Variants in CAMKK1 observed in about 807,000 individuals in gnomAD.
CAMKK1 encodes calcium/calmodulin-dependent protein kinase kinase 1.
In CAMKK1, 20 loss-of-function variants were observed where a neutral mutation model predicts 63.5. That is an observed-to-expected ratio of 0.32 (90% confidence interval 0.22 to 0.46). CAMKK1 has a LOEUF of 0.46. CAMKK1 is among the 20% of genes least tolerant of loss of function. The probability of loss-of-function intolerance (pLI) is 1.00; values close to 1 mark genes in which losing one functional copy is unlikely to be tolerated. For synonymous variants in CAMKK1, 253 were observed against 269.0 expected (o/e 0.94, Z 0.58); for missense variants, 588 against 658.1 (o/e 0.89, Z 1.17).
chr17:3,870,030 G>A (rs1307924856), intron 12 of CAMKK1, 142 bp from the exon 13 acceptor site: 2 of 683,142 alleles, frequency 2.9e-6, no homozygotes, highest in Admixed American at 4.6e-5. Flanking sequence ...ACAAGGGCTT[G>A]GAGAGCCTTT....
chr17:3,883,436 G>A lies in CAMKK1; in HGVS notation c.507C>T (p.Gly169=), dbSNP rs2055503724. ...LSKKKLLKQY[G]FPRRPPPRGS... ...GGATCAGAAGATACATACGTGGAAA[G>A]CCATACTGCTTCAGTAACTTCTTTT... The change falls in exon 5 of 16, where the codon GGC becomes GGT. Residue 169 remains glycine, a synonymous_variant. Coordinates refer to ENST00000348335, the MANE Select transcript of CAMKK1 (RefSeq NM_032294.3). This position sits in a 1 kb window ranked among gnomAD's most constrained non-coding sequence, Gnocchi z 4.7. The A allele has an allele frequency of 6.2e-7, 1 of 1,613,510 alleles. No homozygotes were observed. Among genetic ancestry groups the A allele is most frequent in the South Asian group, 1.1e-5 (1 of 91,086 alleles).
At position 3,865,903 on chromosome 17, in the gene CAMKK1, C is replaced by T. The variant is rs1426754135; in HGVS notation, c.1445+5G>A. ...CCCGGCAGTCCCTGGCCCACCAGTA[C>T]TTACACCAGTAGGTTTCCTGGAGCA... On this transcript the variant is annotated splice_donor_5th_base_variant and intron_variant, in intron 15 of 15. Coordinates refer to ENST00000348335, the MANE Select transcript of CAMKK1 (RefSeq NM_032294.3). 6.2e-7 allele frequency: 1 copy of T among 1,614,162 alleles called. No homozygotes were observed. Among genetic ancestry groups the T allele is most frequent in the Admixed American group, 1.7e-5 (1 of 60,022 alleles).
rs760113867 is a variant in CAMKK1 at position 3,862,917 on chromosome 17, G to A, written c.1446-634C>T. Among the ~76,000 whole-genome samples, 5 of 152,156 alleles carry A rather than the reference G, an allele frequency of 3.3e-5. No homozygotes were observed. The highest frequency in any genetic ancestry group is 1.3e-4 in the Admixed American group (2 of 15,280). ...CTCCTAAAGTGTTGGGATTGCAGGC[G>A]TGAGCCACCGTGCCCGGCCTGAGGG... On this transcript the variant is annotated intron_variant, in intron 15 of 15. Coordinates refer to ENST00000348335, the MANE Select transcript of CAMKK1 (RefSeq NM_032294.3). The surrounding 1 kb of genome is among the most constrained non-coding windows in gnomAD (Gnocchi z 4.1).
intron 11 of CAMKK1, 110 bp from the exon 12 acceptor site, chr17:3,872,737 C>A: frequency 2.5e-6 from 2 of 810,326 alleles, no homozygotes; most frequent in Non-Finnish European, 4.3e-6. Flanking sequence ...GGTCTGGGCT[C>A]CCATTACATG....
At chr17:3,871,377 CAG>C (rs10590725) in intron 12 of CAMKK1, among the ~76,000 whole-genome samples, 11,050 of 103,416 alleles carry the variant, frequency 0.11, 718 homozygotes, top group East Asian at 0.4. Context: ...TTTTTTGAGA[CAG>C]AGTCTCGCTC....
At position 3,887,912 on chromosome 17, in the gene CAMKK1, T is replaced by G. The variant is rs2055726356; in HGVS notation, c.-43-2182A>C. Reference sequence around the variant, plus strand: ...GCATGCCTTGTTTTTCCCTCCCGAATGTAAGTTTCATGAGATTAGGACGCT... The same window carrying G: ...GCATGCCTTGTTTTTCCCTCCCGAAGGTAAGTTTCATGAGATTAGGACGCT... On this transcript the variant is annotated intron_variant, in intron 1 of 15. Transcript: ENST00000348335. The surrounding 1 kb of genome is among the most constrained non-coding windows in gnomAD (Gnocchi z 6.1). Among the ~76,000 whole-genome samples the G allele has an allele frequency of 6.6e-6, 1 of 152,002 alleles. No individual in the cohort carries two copies. The highest frequency in any genetic ancestry group is 2.1e-4 in the South Asian group (1 of 4,832).
At chr17:3,869,045 G>A (rs539447664) in intron 14 of CAMKK1, among the ~76,000 whole-genome samples, 9 of 147,320 alleles carry the variant, frequency 6.1e-5, no homozygotes, top group South Asian at 4.3e-4. Flanking sequence ...CTCGGCTCAC[G>A]GCAAACTCCA....
At chr17:3,875,599 GGA>G (rs1480131915) in intron 10 of CAMKK1, among the ~76,000 whole-genome samples, 1 of 152,068 alleles carries the variant, frequency 6.6e-6, no homozygotes, top group Non-Finnish European at 1.5e-5. Context: ...CCTCTTTCCT[GGA>G]TACTCACACG....
intron 10 of CAMKK1, 45 bp downstream of exon 10, chr17:3,876,178 C>T (rs754154039): frequency 9.6e-6 from 15 of 1,568,548 alleles, no homozygotes; most frequent in South Asian, 7.0e-5. Flanking sequence ...CAAGCTATTA[C>T]GCCCCCCACT....
Position 3,879,170 on chromosome 17 carries a change from C to G in CAMKK1, c.796+1176G>C, listed in dbSNP as rs2055298872. ...CTGGTCCCCAACCCACGCCAGGACC[C>G]TAGGTGTCTAGGGGCTCTCCTCTCC... On this transcript the variant is annotated intron_variant, in intron 9 of 15. Coordinates refer to ENST00000348335, the MANE Select transcript of CAMKK1 (RefSeq NM_032294.3). This position sits in a 1 kb window ranked among gnomAD's most constrained non-coding sequence, Gnocchi z 4.5. 6.6e-6 allele frequency: 1 copy of G among 152,376 alleles called. No homozygotes were observed. The highest frequency in any genetic ancestry group is 1.5e-5 in the Non-Finnish European group (1 of 68,160). 9.4% of individuals were successfully genotyped at this position (152,376 alleles called of 1,614,324 possible).
rs1217702515 is a variant in CAMKK1, at chr17:3,868,272, G to A, written c.1341+1215C>T. Among the ~76,000 whole-genome samples the A allele has an allele frequency of 3.7e-5, 5 of 135,950 alleles. 1 individual carries two copies. The highest frequency in any genetic ancestry group is 5.2e-4 in the South Asian group (2 of 3,860). The allele number at this position is 135,950 out of a possible 152,430, so 89.2% of individuals were successfully genotyped here. A position where few individuals can be genotyped will look rare whatever the true frequency, so the allele number is the denominator to read the frequency against. ...GGGCTCTGGGGGAGAAGCAGGCGCC[G>A]TCTAACTGATACGTGGGCACGGGGG... On this transcript the variant is annotated intron_variant, in intron 14 of 15. Coordinates refer to ENST00000348335, the MANE Select transcript of CAMKK1 (RefSeq NM_032294.3).
rs375193394 is a variant in CAMKK1, at chr17:3,890,066, C to A, written c.-44+2873G>T. Among the ~76,000 whole-genome samples the A allele has an allele frequency of 2.6e-5, 4 of 152,170 alleles. No individual in the cohort carries two copies. Among genetic ancestry groups the A allele is most frequent in the African/African-American group, 9.7e-5 (4 of 41,438 alleles). On this transcript the variant is annotated intron_variant, in intron 1 of 15. Transcript: ENST00000348335. This position sits in a 1 kb window ranked among gnomAD's most constrained non-coding sequence, Gnocchi z 6.5. ...CAGAGGACCGAACAGAAGGGAAAGC[C>A]GCAGAGGTGGCGGCCACCCAGGCCA...
At chr17:3,886,818 C>T (rs1036710356) in intron 1 of CAMKK1, among the ~76,000 whole-genome samples, 1 of 152,108 alleles carries the variant, frequency 6.6e-6, no homozygotes, top group Non-Finnish European at 1.5e-5. Flanking sequence ...GACACTCAGC[C>T]TGAGACCCCC....
At chr17:3,865,811 C>A in intron 15 of CAMKK1, 97 bp downstream of exon 15, 1 of 1,563,792 alleles carries the variant, frequency 6.4e-7, no homozygotes, top group South Asian at 1.2e-5. Context: ...CAGGCTCTGG[C>A]CTTGGCCCAA....
Position 3,869,537 on chromosome 17 carries a change from C to T in CAMKK1, c.1291G>A (p.Glu431Lys), listed in dbSNP as rs1320415705. The change falls in exon 14 of 16, where the codon GAG becomes AAG. Residue 431 changes from glutamate (E) to lysine (K), a missense_variant. Coordinates refer to ENST00000348335, the MANE Select transcript of CAMKK1 (RefSeq NM_032294.3). ...CTGACTGAGTTCTTAACCTCCTCCT[C>T]TGTCACCTCCACCACGCTGCAGTGC... The part of the protein sequence containing the change: ...EEHCSVVEVT[E>K]EEVKNSVRLI... 6.2e-7 allele frequency: 1 copy of T among 1,614,120 alleles called. No individual in the cohort carries two copies. Among genetic ancestry groups the T allele is most frequent in the Non-Finnish European group, 8.5e-7 (1 of 1,180,050 alleles).
At position 3,890,651 on chromosome 17, in the gene CAMKK1, T is replaced by C. The variant is rs894830414; in HGVS notation, c.-44+2288A>G. The C allele has an allele frequency of 1.9e-5, 15 of 779,508 alleles. No individual in the cohort carries two copies. Among genetic ancestry groups the C allele is most frequent in the Non-Finnish European group, 3.6e-5 (15 of 417,920 alleles). The allele number at this position is 779,508 out of a possible 1,614,324, so 48.3% of individuals were successfully genotyped here. ...GGGAGCCCTCCTTGTCACTCGTCCT[T>C]TCCCTGTTGCCCACCCTTGCTCCCC... On this transcript the variant is annotated intron_variant, in intron 1 of 15. Transcript: ENST00000348335. This position sits in a 1 kb window ranked among gnomAD's most constrained non-coding sequence, Gnocchi z 6.5.
rs1163544575 is a variant in CAMKK1, at chr17:3,882,781, T to C, written c.649-217A>G. Among the ~76,000 whole-genome samples the C allele has an allele frequency of 6.6e-6, 1 of 151,950 alleles. No individual in the cohort carries two copies. The highest frequency in any genetic ancestry group is 2.4e-5 in the African/African-American group (1 of 41,352). Reference sequence around the variant, plus strand: ...CACACGACATCCAGCCTTCCTCCCCTCCAGCTGCAATGAGGGGCTCACTTC... The same window carrying C: ...CACACGACATCCAGCCTTCCTCCCCCCCAGCTGCAATGAGGGGCTCACTTC... On this transcript the variant is annotated intron_variant, in intron 6 of 15. Coordinates refer to ENST00000348335, the MANE Select transcript of CAMKK1 (RefSeq NM_032294.3). This position sits in a 1 kb window ranked among gnomAD's most constrained non-coding sequence, Gnocchi z 4.3.
At chr17:3,874,887 C>T (rs936830012) in intron 10 of CAMKK1, among the ~76,000 whole-genome samples, 23 of 150,816 alleles carry the variant, frequency 1.5e-4, no homozygotes, top group Non-Finnish European at 2.1e-4. Flanking sequence ...TTTGGGAGGC[C>T]GAGGCGGGCG....
Position 3,865,900 on chromosome 17 carries a change from GT to G in CAMKK1, c.1445+7del. 6.2e-7 allele frequency: 1 copy of G among 1,614,120 alleles called. No individual in the cohort carries two copies. ...GTGCCCGGCAGTCCCTGGCCCACCA[GT>G]ACTTACACCAGTAGGTTTCCTGGAG... On this transcript the variant is annotated splice_region_variant and intron_variant, in intron 15 of 15. Coordinates refer to ENST00000348335, the MANE Select transcript of CAMKK1 (RefSeq NM_032294.3).
Sources: allele counts gnomAD v4.1 joint callset (sites outside exome capture counted in the v4.1 genomes callset), GRCh38; gene constraint gnomAD v4.1.1; non-coding constraint Gnocchi (gnomAD v3.1); transcripts MANE v1.5; gene names NCBI Gene and HGNC (gene_info 2026-07-23, HGNC 2026-07-21).